ARHGAP10: variants seen among roughly 807,000 people sequenced by gnomAD.
The protein encoded by ARHGAP10 is rho GTPase-activating protein 10.
In ARHGAP10, 87 loss-of-function variants were observed where a neutral mutation model predicts 108.6. That is an observed-to-expected ratio of 0.80 (90% CI 0.67 to 0.96). The LOEUF (loss-of-function observed/expected upper bound fraction) is 0.96. ARHGAP10 is among the 40% of genes least tolerant of loss of function. ARHGAP10 has a pLI of 0.00. For synonymous variants in ARHGAP10, 347 were observed against 341.1 expected, an observed-to-expected ratio of 1.02 and a Z score of -0.19; for missense variants, 939 against 954.5, an observed-to-expected ratio of 0.98 and a Z score of 0.21.
At chr4:147,860,312 G>A (rs1442591808) in intron 5 of ARHGAP10, among the ~76,000 whole-genome samples, 3 of 152,142 alleles carry the variant, frequency 2.0e-5, no homozygotes, top group Non-Finnish European at 4.4e-5. Context: ...TGTGGTGGCA[G>A]GTGCCTGCAG....
chr4:147,966,810 G>C lies in ARHGAP10; in HGVS notation c.1687G>C (p.Val563Leu). ...LMDLKFQNIV[V>L]EILIENHEKI... The stretch of plus-strand genomic sequence containing the variant: ...GGACTTGAAGTTTCAGAATATTGTT[G>C]TGGAAATCTTAATTGAAAACCATGA... Residue 563 changes from valine to leucine, a missense_variant, in exon 18 of 23, where the codon GTG becomes CTG. Transcript: ENST00000336498. 1.9e-6 allele frequency: 3 copies of C among 1,579,494 alleles called. No individual in the cohort carries two copies. Among genetic ancestry groups the C allele is most frequent in the Non-Finnish European group, 2.6e-6 (3 of 1,159,560 alleles).
intron 1 of ARHGAP10, among the ~76,000 whole-genome samples, chr4:147,790,696 A>C (rs1002323112): frequency 6.6e-6 from 1 of 152,212 alleles, no homozygotes; most frequent in Non-Finnish European, 1.5e-5. Context: ...TGTTAAAGTT[A>C]TATGCTGTTA....
At chr4:147,765,346 G>A (rs1371312200) in intron 1 of ARHGAP10, among the ~76,000 whole-genome samples, 5 of 146,724 alleles carry the variant, frequency 3.4e-5, no homozygotes, top group Non-Finnish European at 4.5e-5. Context: ...GTGGGGGGGG[G>A]GGTGTGAGTG....
At chr4:147,836,231 C>CT (rs571666120) in intron 3 of ARHGAP10, among the ~76,000 whole-genome samples, 26 of 151,440 alleles carry the variant, frequency 1.7e-4, no homozygotes, top group Non-Finnish European at 2.9e-4. Context: ...ATACATTGAC[C>CT]TTTTTTTTTA....
chr4:147,858,316 G>A (rs1734175291), intron 5 of ARHGAP10: 1 of 149,262 alleles, frequency 6.7e-6, no homozygotes, highest in African/African-American at 2.4e-5. Context: ...GCCATTGTTA[G>A]GATTTAGTCT....
intron 8 of ARHGAP10, among the ~76,000 whole-genome samples, chr4:147,877,819 C>CTTTTTTTTTTTTTTTTTTTTTTTTTTT (rs549355620): frequency 7.6e-6 from 1 of 131,462 alleles, no homozygotes; most frequent in South Asian, 2.3e-4. Flanking sequence ...ATTCTTCATA[C>CTTTTTTTTTTTTTTTTTTTTTTTTTTT]TTTTTTTTTT....
chr4:147,821,420 A>G (rs979998383), intron 1 of ARHGAP10, among the ~76,000 whole-genome samples: 4 of 152,308 alleles, frequency 2.6e-5, no homozygotes, highest in African/African-American at 9.6e-5. Context: ...CTTTTCTTCT[A>G]TACTTTAGGT....
At chr4:147,734,110 C>T (rs554489086) in intron 1 of ARHGAP10, among the ~76,000 whole-genome samples, 10 of 152,204 alleles carry the variant, frequency 6.6e-5, no homozygotes, top group African/African-American at 2.2e-4. Flanking sequence ...CTTTCTGTAA[C>T]TTGATGTTAA....
At chr4:147,914,815 C>G (rs963276357) in intron 13 of ARHGAP10, among the ~76,000 whole-genome samples, 1 of 152,104 alleles carries the variant, frequency 6.6e-6, no homozygotes. Flanking sequence ...TTAGGGAAAA[C>G]TAATTCCTCC....
chr4:147,763,816 A>C (rs1406927410), intron 1 of ARHGAP10, among the ~76,000 whole-genome samples: 1 of 135,636 alleles, frequency 7.4e-6, no homozygotes, highest in Non-Finnish European at 1.5e-5. Flanking sequence ...GTGCAGTGGC[A>C]CCATCACGGC....
chr4:147,757,076 C>T (rs1349554033), intron 1 of ARHGAP10, among the ~76,000 whole-genome samples: 1 of 150,066 alleles, frequency 6.7e-6, no homozygotes, highest in Non-Finnish European at 1.5e-5. Context: ...ATAGTGGCTT[C>T]TTTAAATTTA....
intron 20 of ARHGAP10, among the ~76,000 whole-genome samples, chr4:148,057,714 A>T (rs1729423101): frequency 6.6e-6 from 1 of 151,862 alleles, no homozygotes; most frequent in South Asian, 2.1e-4. Context: ...TGCTTCCTCC[A>T]CTCTTCCTCT....
chr4:147,739,205 AAAAG>A (rs1271806033), intron 1 of ARHGAP10, among the ~76,000 whole-genome samples: 1 of 150,710 alleles, frequency 6.6e-6, no homozygotes, highest in African/African-American at 2.5e-5. Context: ...AAAAAAAAAG[AAAAG>A]AAAATACATT....
chr4:148,049,154 G>GA, intron 20 of ARHGAP10, among the ~76,000 whole-genome samples: 2 of 152,124 alleles, frequency 1.3e-5, no homozygotes, highest in Non-Finnish European at 2.9e-5. Context: ...GTATATAGAT[G>GA]AGTGCCTCTT....
intron 20 of ARHGAP10, among the ~76,000 whole-genome samples, chr4:148,057,394 G>A (rs996791032): frequency 6.6e-6 from 1 of 152,154 alleles, no homozygotes; most frequent in South Asian, 2.1e-4. Flanking sequence ...AAGGACTTGA[G>A]GGTCTGAGAT....
At chr4:147,911,393 T>C (rs1736722497) in intron 12 of ARHGAP10, among the ~76,000 whole-genome samples, 2 of 152,184 alleles carry the variant, frequency 1.3e-5, no homozygotes, top group Non-Finnish European at 2.9e-5. Flanking sequence ...GACAGAGTCT[T>C]GCTCTGTCGC....
In ARHGAP10 at chr4:147,792,647, G is replaced by A. The variant is rs557962417; in HGVS notation, c.155-30080G>A. ...CTAGTTCTCTTTGTGGTCCTCTGGG[G>A]CCTTGCTTTTCTTATTCTCCATTAT... On this transcript the variant is annotated intron_variant, in intron 1 of 22. Coordinates refer to ENST00000336498, the MANE Select transcript of ARHGAP10 (RefSeq NM_024605.4). Among the ~76,000 whole-genome samples the A allele has an allele frequency of 2.5e-4, 38 of 152,048 alleles. No homozygotes were observed. In the South Asian group the frequency reaches 7.5e-3, roughly 30 times the overall value.
At chr4:147,996,076 CTCAAAAA>C (rs1364800665) in intron 18 of ARHGAP10, among the ~76,000 whole-genome samples, 1 of 152,168 alleles carries the variant, frequency 6.6e-6, no homozygotes, top group African/African-American at 2.4e-5. Context: ...GTGTGAAATA[CTCAAAAA>C]GCTCTTCTTT....
At chr4:147,750,087 G>T in intron 1 of ARHGAP10, among the ~76,000 whole-genome samples, 1 of 152,172 alleles carries the variant, frequency 6.6e-6, no homozygotes, top group Non-Finnish European at 1.5e-5. Context: ...AAACAAAGAG[G>T]CAACTTTGTA....
Sources: gnomAD v4.1 joint callset for allele counts (sites outside exome capture counted in the v4.1 genomes callset) on GRCh38, gnomAD v4.1.1 for gene constraint, MANE v1.5 for transcripts, NCBI Gene and HGNC (gene_info 2026-07-23, HGNC 2026-07-21) for gene names.